Variants in CXCL13 observed in about 807,000 individuals in gnomAD.
The protein encoded by CXCL13 is C-X-C motif chemokine ligand 13.
A neutral mutation model predicts 12.2 loss-of-function variants in CXCL13; 7 were observed. The observed-to-expected ratio is 0.57, with a 90% CI of 0.33 to 1.07. The LOEUF is 1.07. CXCL13 is among the 50% of genes least tolerant of loss of function. The pLI is 0.04. For missense variants in CXCL13, 113 were observed against 127.4 expected (o/e 0.89, Z 0.55); for synonymous variants, 47 against 42.4 (o/e 1.11, Z -0.42).
intron 1 of CXCL13, among the ~76,000 whole-genome samples, chr4:77,585,581 T>G (rs996405413): frequency 1.3e-5 from 2 of 152,204 alleles, no homozygotes; most frequent in Admixed American, 1.3e-4. Flanking sequence ...GCTTCAGAGC[T>G]GCCACTCCTT....
At chr4:77,608,238 C>G (rs1214947211) in intron 2 of CXCL13, among the ~76,000 whole-genome samples, 1 of 152,114 alleles carries the variant, frequency 6.6e-6, no homozygotes, top group East Asian at 1.9e-4. Flanking sequence ...GTCAGGAGTT[C>G]GAGACCAGCC....
chr4:77,584,996 A>T (rs570687590), intron 1 of CXCL13, among the ~76,000 whole-genome samples: 6 of 152,304 alleles, frequency 3.9e-5, no homozygotes, highest in African/African-American at 1.4e-4. Flanking sequence ...TTCTTTAAAG[A>T]CTTCAAATGA....
chr4:77,585,876 G>A (rs1342239133), intron 1 of CXCL13, among the ~76,000 whole-genome samples: 1 of 152,164 alleles, frequency 6.6e-6, no homozygotes, highest in Non-Finnish European at 1.5e-5. Flanking sequence ...ACACTTGCTG[G>A]TTCTCCTGTG....
At chr4:77,555,392 A>T (rs138170979) in intron 1 of CXCL13, among the ~76,000 whole-genome samples, 6 of 152,210 alleles carry the variant, frequency 3.9e-5, no homozygotes, top group Non-Finnish European at 7.4e-5. Flanking sequence ...TTTATTAAAG[A>T]AATTTAATGT....
At chr4:77,528,405 G>T (rs1008769970) in intron 1 of CXCL13, among the ~76,000 whole-genome samples, 3 of 152,174 alleles carry the variant, frequency 2.0e-5, no homozygotes, top group Non-Finnish European at 4.4e-5. Context: ...CAGTGTAAAA[G>T]TGTTCCTATT....
At chr4:77,529,726 G>T (rs1365039013) in intron 1 of CXCL13, among the ~76,000 whole-genome samples, 1 of 152,170 alleles carries the variant, frequency 6.6e-6, no homozygotes, top group Non-Finnish European at 1.5e-5. Context: ...TGCAAACAGG[G>T]ACAATGTGAC....
intron 1 of CXCL13, among the ~76,000 whole-genome samples, chr4:77,530,764 C>T (rs2110084470): frequency 6.6e-6 from 1 of 152,052 alleles, no homozygotes; most frequent in East Asian, 1.9e-4. Flanking sequence ...TTTTTTGTGT[C>T]TCTATTTCCT....
chr4:77,521,145 G>C (rs965304058), intron 1 of CXCL13, among the ~76,000 whole-genome samples: 1 of 152,052 alleles, frequency 6.6e-6, no homozygotes, highest in Non-Finnish European at 1.5e-5. Context: ...ATTTTCACAC[G>C]GGTGTTCATC....
intron 1 of CXCL13, among the ~76,000 whole-genome samples, chr4:77,576,156 A>G (rs1393254540): frequency 6.7e-6 from 1 of 150,226 alleles, no homozygotes; most frequent in Non-Finnish European, 1.5e-5. Flanking sequence ...TAAAGGAAAA[A>G]TGTACAGGAC....
At chr4:77,569,205 A>G (rs1726007004) in intron 1 of CXCL13, among the ~76,000 whole-genome samples, 2 of 152,200 alleles carry the variant, frequency 1.3e-5, no homozygotes, top group South Asian at 4.1e-4. Flanking sequence ...AAACCTGTAC[A>G]AGACAAGGAT....
At chr4:77,546,330 C>G (rs764871543) in intron 1 of CXCL13, among the ~76,000 whole-genome samples, 15 of 152,158 alleles carry the variant, frequency 9.9e-5, no homozygotes, top group Admixed American at 5.9e-4. Context: ...ATGGTACCAG[C>G]TCTTCTTTGT....
chr4:77,533,469 T>G lies in CXCL13; in HGVS notation c.-43+21681T>G, dbSNP rs572524027. 4.6e-5 allele frequency among the ~76,000 whole-genome samples: 7 copies of G among 152,304 alleles called. No individual in the cohort carries two copies. In the East Asian group the frequency reaches 1.4e-3, roughly 29 times the overall value. ...ACTGGGAGGTGCCTCCCAGTTAGGC[T>G]ACTCAGGGGTCAGGGACCCACTTGA... On this transcript the variant is annotated intron_variant, in intron 1 of 4. Coordinates refer to the CXCL13 transcript ENST00000286758.
At chr4:77,589,329 T>C (rs535557001) in intron 1 of CXCL13, among the ~76,000 whole-genome samples, 19 of 152,322 alleles carry the variant, frequency 1.2e-4, no homozygotes, top group Non-Finnish European at 1.8e-4. Context: ...ACACCATCTA[T>C]GTATCCAGCC....
chr4:77,554,409 C>T (rs1207618990), intron 1 of CXCL13, among the ~76,000 whole-genome samples: 1 of 152,040 alleles, frequency 6.6e-6, no homozygotes, highest in Non-Finnish European at 1.5e-5. Context: ...ATCAAGAATG[C>T]CTCATAAATG....
chr4:77,606,743 T>C (rs1038211915), intron 1 of CXCL13, among the ~76,000 whole-genome samples: 4 of 152,190 alleles, frequency 2.6e-5, no homozygotes, highest in Admixed American at 6.5e-5. Flanking sequence ...AATACAACCT[T>C]CTGTGGTATT....
At chr4:77,512,883 CTCA>C (rs1724309193) in intron 1 of CXCL13, among the ~76,000 whole-genome samples, 2 of 152,100 alleles carry the variant, frequency 1.3e-5, no homozygotes, top group African/African-American at 4.8e-5. Flanking sequence ...CACCCATTAA[CTCA>C]TCATTTACGT....
chr4:77,529,722 C>A (rs1210077511), intron 1 of CXCL13, among the ~76,000 whole-genome samples: 1 of 152,184 alleles, frequency 6.6e-6, no homozygotes, highest in African/African-American at 2.4e-5. Context: ...CATCTGCAAA[C>A]AGGGACAATG....
At chr4:77,546,911 A>G (rs1335918128) in intron 1 of CXCL13, among the ~76,000 whole-genome samples, 1 of 152,166 alleles carries the variant, frequency 6.6e-6, no homozygotes, top group African/African-American at 2.4e-5. Context: ...ACTGCTTTAC[A>G]TGTGTCCCAG....
chr4:77,531,948 G>C (rs1233416818), intron 1 of CXCL13, among the ~76,000 whole-genome samples: 1 of 152,236 alleles, frequency 6.6e-6, no homozygotes, highest in Admixed American at 6.5e-5. Context: ...TCTCTGGTAC[G>C]TGAGATGGGT....
Sources: gnomAD v4.1 joint callset for allele counts (sites outside exome capture counted in the v4.1 genomes callset) on GRCh38, gnomAD v4.1.1 for gene constraint, MANE v1.5 for transcripts, NCBI Gene and HGNC (gene_info 2026-07-23, HGNC 2026-07-21) for gene names.